Variants in GRM6 observed in about 807,000 individuals in gnomAD.
GRM6 encodes the protein glutamate metabotropic receptor 6, also known as metabotropic glutamate receptor 6.
A neutral mutation model predicts 78.4 loss-of-function variants in GRM6; 73 were observed. The observed-to-expected ratio is 0.93, with a 90% CI of 0.77 to 1.13. The LOEUF (loss-of-function observed/expected upper bound fraction) is 1.13. Ranked by LOEUF, GRM6 falls within the 50% of genes most tolerant of loss-of-function variation. The pLI is 0.00. For synonymous variants in GRM6, 580 were observed against 555.0 expected (o/e 1.05, Z -0.63); for missense variants, 1,251 against 1,256.4 (o/e 1.00, Z 0.07).
Position 178,988,792 on chromosome 5 carries a change from T to C in GRM6, c.1354+143A>G, listed in dbSNP as rs1236137940. The stretch of plus-strand genomic sequence containing the variant: ...ATTGGGGACCGGAACTTGTCTCATG[T>C]CTTTGGCACTCAGCCCCAGGCACCC... On this transcript the variant is annotated intron_variant, in intron 7 of 10. Coordinates refer to ENST00000517717, the MANE Select transcript of GRM6 (RefSeq NM_000843.4). This position sits in a 1 kb window ranked among gnomAD's most constrained non-coding sequence, Gnocchi z 6.0. The C allele has an allele frequency of 4.3e-5, 29 of 670,404 alleles. No homozygotes were observed. In the East Asian group the frequency reaches 7.9e-4, roughly 18 times the overall value. The allele number at this position is 670,404 out of a possible 1,614,324, so 41.5% of individuals were successfully genotyped here.
Position 178,991,395 on chromosome 5 carries a change from G to A in GRM6, c.857+29C>T. 6.2e-7 allele frequency: 1 copy of A among 1,610,930 alleles called. No homozygotes were observed. Among genetic ancestry groups the A allele is most frequent in the South Asian group, 1.1e-5 (1 of 91,012 alleles). On this transcript the variant is annotated intron_variant, in intron 4 of 10. Coordinates refer to ENST00000517717, the MANE Select transcript of GRM6 (RefSeq NM_000843.4). This position sits in a 1 kb window ranked among gnomAD's most constrained non-coding sequence, Gnocchi z 5.0. ...GGTGGGACCCTCAGGGAGAGCCCCA[G>A]GGGCCCGGTGATTGTGCCACTGTCC...
At chr5:178,986,042 G>T in intron 9 of GRM6, 88 bp downstream of exon 9, 2 of 1,232,380 alleles carry the variant, frequency 1.6e-6, no homozygotes, top group Non-Finnish European at 2.3e-6. Flanking sequence ...GACTACAGGC[G>T]TGTGCCACTG....
In GRM6 at chr5:178,991,910, G is replaced by A. The variant is rs376072998; in HGVS notation, c.678C>T (p.Gly226=). 1.4e-5 allele frequency: 23 copies of A among 1,613,990 alleles called. No homozygotes were observed. The East Asian group carries it at 2.5e-4, about 17-fold the overall frequency. The change falls in exon 3 of 11, where the codon GGC becomes GGT. Residue 226 remains glycine (G), a synonymous_variant. Transcript: ENST00000517717. This position sits in a 1 kb window ranked among gnomAD's most constrained non-coding sequence, Gnocchi z 5.0. ...VSTLASEGNY[G]ESGVEAFVQI... ...GAACGAAGGCCTCAACCCCACTTTC[G>A]CCATAGTTGCCCTCGGAGGCCAGCG...
chr5:178,981,944 G>T lies in GRM6; in HGVS notation c.2437-90C>A. 1.1e-6 allele frequency: 1 copy of T among 889,954 alleles called. No individual in the cohort carries two copies. The highest frequency in any genetic ancestry group is 1.9e-6 in the Non-Finnish European group (1 of 523,154). The allele number at this position is 889,954 out of a possible 1,614,324, so 55.1% of individuals were successfully genotyped here. A position where few individuals can be genotyped will look rare whatever the true frequency, so the allele number is the denominator to read the frequency against. ...TCCTCACCACATACTCTGGAGCTGAGTCTGTTTCAGTTGGGGAACTGGGAA... is the reference window on the plus strand; with the variant it reads ...TCCTCACCACATACTCTGGAGCTGATTCTGTTTCAGTTGGGGAACTGGGAA... On this transcript the variant is annotated intron_variant, in intron 10 of 10. Transcript: ENST00000517717. This position sits in a 1 kb window ranked among gnomAD's most constrained non-coding sequence, Gnocchi z 5.1.
rs1554113576 is a variant in GRM6 at position 178,985,717 on chromosome 5, A to AAC, written c.2124+412_2124+413insGT. On this transcript the variant is annotated intron_variant, in intron 9 of 10. Transcript: ENST00000517717. ...GACTCTGTCTAAAAAAAAAAAAACA[A>AAC]AACAACACAGGAACCAAAATAGAAA... The AAC allele has an allele frequency of 1.0e-4, 42 of 419,744 alleles. 2 individuals are homozygous for AAC. The highest frequency in any genetic ancestry group is 3.5e-4 in the South Asian group (20 of 56,720). The allele number at this position is 419,744 out of a possible 1,614,324, so 26.0% of individuals were successfully genotyped here.
chr5:178,985,300 C>G, intron 9 of GRM6: 1 of 455,786 alleles, frequency 2.2e-6, no homozygotes, highest in South Asian at 1.6e-5. Context: ...GGCCCACACT[C>G]CCCACCTGAC....
Position 178,992,222 on chromosome 5 carries a change from TTGGGG to T in GRM6, c.505-144_505-140del. On this transcript the variant is annotated intron_variant, in intron 2 of 10. Coordinates refer to ENST00000517717, the MANE Select transcript of GRM6 (RefSeq NM_000843.4). The surrounding 1 kb of genome is among the most constrained non-coding windows in gnomAD (Gnocchi z 4.9). ...GGGACACAGATGGGAGATGGAAGGG[TTGGGG>T]TGGGGACCTGGGGCCAGCTGGAGCA... The T allele has an allele frequency of 1.4e-6, 1 of 716,286 alleles. No homozygotes were observed. The highest frequency in any genetic ancestry group is 2.5e-6 in the Non-Finnish European group (1 of 400,788). 44.4% of individuals were successfully genotyped at this position (716,286 alleles called of 1,614,324 possible). A position where few individuals can be genotyped will look rare whatever the true frequency, so the allele number is the denominator to read the frequency against.
intron 9 of GRM6, among the ~76,000 whole-genome samples, chr5:178,985,468 C>T (rs1429542554): frequency 2.0e-4 from 30 of 151,464 alleles, no homozygotes; most frequent in Non-Finnish European, 3.7e-4. Flanking sequence ...CTTTGGGAGG[C>T]CGAGGTGGGC....
chr5:178,994,712 C>A lies in GRM6; in HGVS notation c.233G>T (p.Arg78Leu). The change falls in exon 2 of 11, where the codon CGC becomes CTC. Residue 78 changes from arginine (R) to leucine (L), a missense_variant. Physicochemically the swap from Arg to Leu is moderately radical, Grantham distance 102. Coordinates refer to ENST00000517717, the MANE Select transcript of GRM6 (RefSeq NM_000843.4). ...RLEAMLYALDRVNADPELLPG... is the reference protein window; with the variant it reads ...RLEAMLYALDLVNADPELLPG... ...CAGCAGCTCGGGGTCGGCGTTGACG[C>A]GGTCCAGCGCGTACAGCATGGCCTC... The A allele has an allele frequency of 6.8e-7, 1 of 1,466,154 alleles. No individual in the cohort carries two copies. The highest frequency in any genetic ancestry group is 9.0e-7 in the Non-Finnish European group (1 of 1,111,100). 90.8% of individuals were successfully genotyped at this position (1,466,154 alleles called of 1,614,324 possible). A position where few individuals can be genotyped will look rare whatever the true frequency, so the allele number is the denominator to read the frequency against.
In GRM6 at chr5:178,990,331, C is replaced by G. The variant is rs147118095; in HGVS notation, c.1012+261G>C. 2.2e-4 allele frequency among the ~76,000 whole-genome samples: 33 copies of G among 152,320 alleles called. No individual in the cohort carries two copies. The East Asian group carries it at 6.0e-3, about 28-fold the overall frequency. On this transcript the variant is annotated intron_variant, in intron 5 of 10. Transcript: ENST00000517717. ...AATGTCTTTGGCAGCACTAGAAATACAGGCACTAAATTAAGAAACAAAACC... is the reference window on the plus strand; with the variant it reads ...AATGTCTTTGGCAGCACTAGAAATAGAGGCACTAAATTAAGAAACAAAACC...
In GRM6 at chr5:178,980,833, C is replaced by T. The variant is rs1203560494; in HGVS notation, c.*824G>A. On this transcript the variant is annotated 3_prime_UTR_variant, in exon 11 of 11. Coordinates refer to ENST00000517717, the MANE Select transcript of GRM6 (RefSeq NM_000843.4). This position sits in a 1 kb window ranked among gnomAD's most constrained non-coding sequence, Gnocchi z 4.3. ...ATTTTTAGTAGAGACAGGGTTTCAC[C>T]ACATTGGCCAGGCTGGTCTCGAACT... 6.6e-6 allele frequency: 1 copy of T among 152,252 alleles called. No individual in the cohort carries two copies. Among genetic ancestry groups the T allele is most frequent in the Non-Finnish European group, 1.5e-5 (1 of 68,098 alleles). 9.4% of individuals were successfully genotyped at this position (152,252 alleles called of 1,614,324 possible). A position where few individuals can be genotyped will look rare whatever the true frequency, so the allele number is the denominator to read the frequency against.
At chr5:178,985,701 TAAA>T (rs780167139) in intron 9 of GRM6, 9 of 349,326 alleles carry the variant, frequency 2.6e-5, no homozygotes, top group East Asian at 8.3e-5. Context: ...AGACTCTGTC[TAAA>T]AAAAAAAAAA....
At chr5:178,990,957 A>C (rs1760658660) in intron 4 of GRM6, among the ~76,000 whole-genome samples, 1 of 151,928 alleles carries the variant, frequency 6.6e-6, no homozygotes, top group Non-Finnish European at 1.5e-5. Flanking sequence ...ACTGTAACCC[A>C]CTGTTCAGGG....
rs1426364394 is a variant in GRM6, at chr5:178,986,276, C to G, written c.1978G>C (p.Gly660Arg). ...AGGGCAGAGTAGCTGAGGGTCGTGC[C>G]CAGGCCCAGGAAGAGCCTGCGGGCG... Reference protein sequence around the residue: ...CAARRLFLGLGTTLSYSALLT... With the variant: ...CAARRLFLGLRTTLSYSALLT... The change falls in exon 9 of 11, where the codon GGC (glycine) becomes CGC (arginine). Residue 660 changes from glycine (G) to arginine (R), a missense_variant. By Grantham distance (125) the Gly-to-Arg change is moderately radical. Coordinates refer to ENST00000517717, the MANE Select transcript of GRM6 (RefSeq NM_000843.4). 1 of 1,614,096 alleles carries G rather than the reference C, an allele frequency of 6.2e-7. No homozygotes were observed. The highest frequency in any genetic ancestry group is 8.5e-7 in the Non-Finnish European group (1 of 1,180,008).
chr5:178,985,529 C>T (rs1407552049), intron 9 of GRM6: 10 of 339,070 alleles, frequency 2.9e-5, no homozygotes, highest in African/African-American at 4.4e-5. Flanking sequence ...CGGTGAAGCC[C>T]TGTCTCTACT....
At chr5:178,989,239 C>A in intron 6 of GRM6, 26 bp downstream of exon 6, 1 of 1,502,150 alleles carries the variant, frequency 6.7e-7, no homozygotes, top group Non-Finnish European at 9.2e-7. Flanking sequence ...ACCCTCCCCA[C>A]CCTCACCACC....
Position 178,983,024 on chromosome 5 carries a change from G to T in GRM6, c.2322C>A (p.Gly774=). The T allele has an allele frequency of 6.2e-7, 1 of 1,614,054 alleles. No homozygotes were observed. Among genetic ancestry groups the T allele is most frequent in the African/African-American group, 1.3e-5 (1 of 75,056 alleles). The change falls in exon 10 of 11, where the codon GGC becomes GGA. Residue 774 remains glycine, a synonymous_variant. Coordinates refer to ENST00000517717, the MANE Select transcript of GRM6 (RefSeq NM_000843.4). Reference sequence around the variant, plus strand: ...TGGCCTCGTTGAAGGTCTCGGGCACGCCACGGGCCTTGATGGCGTACACTG... The same window carrying T: ...TGGCCTCGTTGAAGGTCTCGGGCACTCCACGGGCCTTGATGGCGTACACTG... ...TCTVYAIKAR[G]VPETFNEAKP... is the part of the protein sequence containing the mutation.
rs149890205 is a variant in GRM6 at position 178,992,014 on chromosome 5, G to A, written c.574C>T (p.Arg192Trp). 1.1e-5 allele frequency: 17 copies of A among 1,613,972 alleles called. No homozygotes were observed. Among genetic ancestry groups the A allele is most frequent in the Non-Finnish European group, 1.4e-5 (16 of 1,179,986 alleles). ...TGGTAGGAGTCGGGTGGCACCACCC[G>A]GGAGAAGAAGTCATAGCGTGTGGAG... is the stretch of plus-strand genomic sequence containing the variant. ...SDSTRYDFFS[R>W]VVPPDSYQAQ... Residue 192 changes from arginine (R) to tryptophan (W), a missense_variant, in exon 3 of 11, where the codon CGG becomes TGG. By Grantham distance (101) the Arg-to-Trp change is moderately radical. Transcript: ENST00000517717. The surrounding 1 kb of genome is among the most constrained non-coding windows in gnomAD (Gnocchi z 4.9).
In GRM6 at chr5:178,990,717, T is replaced by A. The variant is rs1306136558; in HGVS notation, c.887A>T (p.Asn296Ile). The A allele has an allele frequency of 7.0e-6, 11 of 1,581,888 alleles. No homozygotes were observed. The highest frequency in any genetic ancestry group is 9.4e-6 in the Non-Finnish European group (11 of 1,165,122). ...GACCCACAGGAAGTGGCCGGTCAGG[T>A]TGGCCTGGCGAGCTGCCTCCAGGAC... ...RRVLEAARQA[N>I]LTGHFLWVGS... Residue 296 changes from asparagine (N) to isoleucine (I), a missense_variant, in exon 5 of 11, where the codon AAC (asparagine) becomes ATC (isoleucine). Physicochemically the swap from Asn to Ile is moderately radical, Grantham distance 149. Coordinates refer to ENST00000517717, the MANE Select transcript of GRM6 (RefSeq NM_000843.4).
Sources: allele counts gnomAD v4.1 joint callset (sites outside exome capture counted in the v4.1 genomes callset), GRCh38; gene constraint gnomAD v4.1.1; non-coding constraint Gnocchi (gnomAD v3.1); transcripts MANE v1.5; gene names NCBI Gene and HGNC (gene_info 2026-07-23, HGNC 2026-07-21).